Variants in PRICKLE1 observed in about 807,000 individuals in gnomAD.
PRICKLE1 encodes prickle planar cell polarity protein 1.
PRICKLE1 carries 14 observed loss-of-function variants against 70.2 expected under a neutral mutation model. That is an observed-to-expected ratio of 0.20 (90% confidence interval 0.13 to 0.31). The LOEUF is 0.31. PRICKLE1 is among the 10% of genes least tolerant of loss of function. The pLI, the probability that PRICKLE1 is intolerant of heterozygous loss-of-function variation, is 1.00. For missense variants in PRICKLE1, 821 were observed against 1,026.2 expected (o/e 0.80, Z 2.73); for synonymous variants, 357 against 379.9 (o/e 0.94, Z 0.70).
At chr12:42,521,531 C>T (rs1939708089) in intron 1 of PRICKLE1, among the ~76,000 whole-genome samples, 1 of 152,074 alleles carries the variant, frequency 6.6e-6, no homozygotes, top group Admixed American at 6.6e-5. Flanking sequence ...GAAACCCTGT[C>T]TCTACAAAAA....
chr12:42,498,715 C>T (rs1160994868), intron 1 of PRICKLE1, among the ~76,000 whole-genome samples: 1 of 152,196 alleles, frequency 6.6e-6, no homozygotes, highest in Non-Finnish European at 1.5e-5. Context: ...ATTTCCAGTC[C>T]CTACTGATCC....
chr12:42,551,208 C>T (rs1037674680), intron 1 of PRICKLE1, among the ~76,000 whole-genome samples: 29 of 152,240 alleles, frequency 1.9e-4, no homozygotes, highest in African/African-American at 6.0e-4. Flanking sequence ...TTTAAACTTA[C>T]GGTAGCTTAA....
In PRICKLE1 at chr12:42,563,526, C is replaced by T. The variant is rs545527429; in HGVS notation, c.-49+25939G>A. Among the ~76,000 whole-genome samples, 231 of 150,968 alleles carry T rather than the reference C, an allele frequency of 1.5e-3. 2 individuals carry two copies. Among genetic ancestry groups the T allele is most frequent in the South Asian group, 0.014 (65 of 4,748 alleles). On this transcript the variant is annotated intron_variant, in intron 1 of 7. Coordinates refer to ENST00000345127, the MANE Select transcript of PRICKLE1 (RefSeq NM_153026.3). Reference sequence around the variant, plus strand: ...CATCCTGGCTAACACAGTGAAACCCCGTCTCTACTAAAAAAAAATACAAAA... The same window carrying T: ...CATCCTGGCTAACACAGTGAAACCCTGTCTCTACTAAAAAAAAATACAAAA...
At chr12:42,469,867 C>G (rs1405006782) in intron 3 of PRICKLE1, 3 of 523,682 alleles carry the variant, frequency 5.7e-6, no homozygotes, top group Non-Finnish European at 1.0e-5. Flanking sequence ...TTAACCTTTC[C>G]ACAAAAGGTT....
At chr12:42,484,767 T>C (rs1224571856) in intron 1 of PRICKLE1, among the ~76,000 whole-genome samples, 4 of 152,156 alleles carry the variant, frequency 2.6e-5, no homozygotes. Context: ...TTGGCTTCAG[T>C]TGTCTACAGA....
intron 1 of PRICKLE1, among the ~76,000 whole-genome samples, chr12:42,480,531 TTCAAACTAAAGAG>T (rs2140150427): frequency 6.6e-6 from 1 of 152,362 alleles, no homozygotes; most frequent in South Asian, 2.1e-4. Context: ...GAAGGTGTTA[TTCAAACTAAAGAG>T]AAGGTTTATT....
intron 1 of PRICKLE1, among the ~76,000 whole-genome samples, chr12:42,505,523 C>T (rs1939393576): frequency 6.6e-6 from 1 of 151,396 alleles, no homozygotes. Flanking sequence ...GCAACCTCTG[C>T]CTTCTGGATT....
chr12:42,583,658 C>T (rs1236646101), intron 1 of PRICKLE1, among the ~76,000 whole-genome samples: 1 of 152,178 alleles, frequency 6.6e-6, no homozygotes, highest in East Asian at 1.9e-4. Flanking sequence ...TGAAACATGG[C>T]ATTTACAAAT....
chr12:42,531,654 C>A (rs187226630), intron 1 of PRICKLE1, among the ~76,000 whole-genome samples: 4 of 152,220 alleles, frequency 2.6e-5, no homozygotes, highest in East Asian at 3.9e-4. Flanking sequence ...TAAAACAGGA[C>A]AACTCAGAGT....
Position 42,464,755 on chromosome 12 carries a change from G to C in PRICKLE1, c.1279C>G (p.Leu427Val), listed in dbSNP as rs553919252. 1 of 1,614,056 alleles carries C rather than the reference G, an allele frequency of 6.2e-7. No homozygotes were observed. The highest frequency in any genetic ancestry group is 1.3e-5 in the African/African-American group (1 of 74,986). Residue 427 changes from leucine (L) to valine (V), a missense_variant, in exon 7 of 8, where the codon CTC becomes GTC. Leu to Val is a conservative substitution (Grantham distance 32, BLOSUM62 1). Transcript: ENST00000345127. This position sits in a 1 kb window ranked among gnomAD's most constrained non-coding sequence, Gnocchi z 4.2. ...ATCTCATTGGGCTGTGGCTGAAAGA[G>C]GCTTTTATCACCAAACTTGAGGAGG... ...QLLLKFGDKS[L>V]FQPQPNEMDI... is the part of the protein sequence containing the mutation.
At chr12:42,560,743 C>T (rs1940496909) in intron 1 of PRICKLE1, among the ~76,000 whole-genome samples, 1 of 150,182 alleles carries the variant, frequency 6.7e-6, no homozygotes, top group African/African-American at 2.4e-5. Context: ...ATCCCTTAAG[C>T]TTGGCAGGTC....
intron 1 of PRICKLE1, among the ~76,000 whole-genome samples, chr12:42,513,204 C>T (rs1194221511): frequency 1.3e-5 from 2 of 152,036 alleles, no homozygotes; most frequent in East Asian, 1.9e-4. Context: ...TCAGGTGATC[C>T]GCCCCCCTCG....
At chr12:42,550,917 C>A (rs889914276) in intron 1 of PRICKLE1, among the ~76,000 whole-genome samples, 3 of 152,196 alleles carry the variant, frequency 2.0e-5, no homozygotes, top group Non-Finnish European at 2.9e-5. Context: ...CTAAAATCCT[C>A]AACTTTTGAG....
chr12:42,543,916 A>G (rs1037126429), intron 1 of PRICKLE1, among the ~76,000 whole-genome samples: 7 of 152,236 alleles, frequency 4.6e-5, no homozygotes, highest in African/African-American at 1.4e-4. Context: ...AGTATTATAT[A>G]CTGTATTTTT....
intron 1 of PRICKLE1, among the ~76,000 whole-genome samples, chr12:42,572,621 G>A (rs61924433): frequency 0.031 from 4,723 of 151,996 alleles, 120 homozygotes; most frequent in Middle Eastern, 0.078. Context: ...CTAGGAGTTT[G>A]TGACCAGCCT....
At chr12:42,460,966 CCACCTCCCAGGTT>C (rs1185407343) in intron 7 of PRICKLE1, among the ~76,000 whole-genome samples, 1 of 152,188 alleles carries the variant, frequency 6.6e-6, no homozygotes, top group East Asian at 1.9e-4. Context: ...ACCACAATCT[CCACCTCCCAGGTT>C]CAAGCAGTTT....
At chr12:42,565,383 T>C (rs929195545) in intron 1 of PRICKLE1, among the ~76,000 whole-genome samples, 7 of 152,168 alleles carry the variant, frequency 4.6e-5, no homozygotes, top group Non-Finnish European at 4.4e-5. Context: ...TCAAGAGAGA[T>C]GTGTTTTGGG....
At chr12:42,460,726 A>T in intron 7 of PRICKLE1, 61 bp from the exon 8 acceptor site, 1 of 1,569,710 alleles carries the variant, frequency 6.4e-7, no homozygotes, top group South Asian at 1.1e-5. Context: ...ACAGTACTTA[A>T]AAGTAAGCTA....
intron 1 of PRICKLE1, among the ~76,000 whole-genome samples, chr12:42,526,450 G>C (rs1055678392): frequency 2.0e-5 from 3 of 152,018 alleles, no homozygotes; most frequent in Non-Finnish European, 4.4e-5. Context: ...ATCTGGAGCT[G>C]GAAAGTGAAT....
Sources: gnomAD v4.1 joint callset for allele counts (sites outside exome capture counted in the v4.1 genomes callset) on GRCh38, gnomAD v4.1.1 for gene constraint, Gnocchi (gnomAD v3.1) non-coding constraint, MANE v1.5 for transcripts, NCBI Gene and HGNC (gene_info 2026-07-23, HGNC 2026-07-21) for gene names.